FRMD3: variants seen among roughly 807,000 people sequenced by gnomAD.
FRMD3 encodes FERM domain-containing protein 3.
Under a neutral mutation model 70.2 loss-of-function variants are expected in FRMD3, and 33 were observed. The ratio of observed to expected loss-of-function variants is 0.47; its 90% confidence interval spans 0.36 to 0.63. The LOEUF is 0.63. FRMD3 is among the 20% of genes least tolerant of loss of function. The pLI is 0.00. For synonymous variants in FRMD3, 279 were observed against 255.9 expected, an observed-to-expected ratio of 1.09 and a Z score of -0.86; for missense variants, 632 against 711.4, an observed-to-expected ratio of 0.89 and a Z score of 1.27.
chr9:83,407,873 C>CTCTCTCTCTCTCTCTCT (rs1564062738), intron 1 of FRMD3, among the ~76,000 whole-genome samples: 2 of 91,894 alleles, frequency 2.2e-5, no homozygotes, highest in African/African-American at 6.2e-5. Context: ...CTCTCTCTCT[C>CTCTCTCTCTCTCTCTCT]ATCTTTCTCT....
intron 13 of FRMD3, chr9:83,276,654 C>T (rs771702314): frequency 1.1e-4 from 16 of 152,304 alleles, no homozygotes; most frequent in Non-Finnish European, 1.9e-4. Flanking sequence ...AGCAAATGGT[C>T]GCTACATGCA....
rs1832185913 is a variant in FRMD3, at chr9:83,247,888, T to C, written c.*30A>G. 6.2e-7 allele frequency: 1 copy of C among 1,608,284 alleles called. No homozygotes were observed. The highest frequency in any genetic ancestry group is 2.2e-5 in the East Asian group (1 of 44,776). On this transcript the variant is annotated 3_prime_UTR_variant, in exon 14 of 14. Coordinates refer to ENST00000304195, the MANE Select transcript of FRMD3 (RefSeq NM_174938.6). ...AAAAAAAGAAATCACTAGCATTGAA[T>C]ATAGCCCTTAGTCACGTGAGAGATT... is the stretch of plus-strand genomic sequence containing the variant.
chr9:83,274,872 A>T (rs547158508), intron 13 of FRMD3, among the ~76,000 whole-genome samples: 1 of 152,344 alleles, frequency 6.6e-6, no homozygotes, highest in South Asian at 2.1e-4. Context: ...AGCAGGGAAC[A>T]GGTGGTTAGG....
chr9:83,536,032 G>T (rs916534661), intron 1 of FRMD3, among the ~76,000 whole-genome samples: 3 of 152,212 alleles, frequency 2.0e-5, no homozygotes, highest in Non-Finnish European at 4.4e-5. Context: ...CTCTAGGAAA[G>T]TGTGAGGTCT....
chr9:83,511,072 C>T (rs1053133487), intron 1 of FRMD3, among the ~76,000 whole-genome samples: 2 of 152,206 alleles, frequency 1.3e-5, no homozygotes, highest in Non-Finnish European at 2.9e-5. Context: ...CACTCACAGA[C>T]TCCCAACAGC....
chr9:83,465,819 T>C (rs1356807754), intron 1 of FRMD3, among the ~76,000 whole-genome samples: 2 of 152,230 alleles, frequency 1.3e-5, no homozygotes, highest in African/African-American at 4.8e-5. Context: ...ATTGAATCAA[T>C]TGGAGCTGTA....
At chr9:83,505,723 C>G (rs908820490) in intron 1 of FRMD3, among the ~76,000 whole-genome samples, 2 of 152,180 alleles carry the variant, frequency 1.3e-5, no homozygotes, top group African/African-American at 4.8e-5. Context: ...ACAGTTTTCC[C>G]TTCTATAGGT....
chr9:83,453,044 C>T (rs1363184225), intron 1 of FRMD3, among the ~76,000 whole-genome samples: 2 of 151,706 alleles, frequency 1.3e-5, no homozygotes, highest in South Asian at 2.1e-4. Flanking sequence ...TTAGTAGACA[C>T]GGGGTTTCGC....
At chr9:83,291,330 A>C (rs1050944580) in intron 12 of FRMD3, among the ~76,000 whole-genome samples, 1 of 152,190 alleles carries the variant, frequency 6.6e-6, no homozygotes, top group Admixed American at 6.5e-5. Flanking sequence ...ACAGATGGCA[A>C]GGAAACTGTG....
At chr9:83,338,419 G>GT (rs996129287) in intron 5 of FRMD3, among the ~76,000 whole-genome samples, 3 of 151,932 alleles carry the variant, frequency 2.0e-5, no homozygotes, top group East Asian at 1.9e-4. Flanking sequence ...TATGTTCAAG[G>GT]TTTTTTTTAT....
intron 4 of FRMD3, among the ~76,000 whole-genome samples, 196 bp from the exon 5 acceptor site, chr9:83,343,483 C>T (rs1271954585): frequency 6.6e-6 from 1 of 152,034 alleles, no homozygotes; most frequent in African/African-American, 2.4e-5. Context: ...TCAGAAGTGT[C>T]TGCCGAGCAG....
At chr9:83,324,978 A>T (rs190916895) in intron 6 of FRMD3, among the ~76,000 whole-genome samples, 1 of 152,340 alleles carries the variant, frequency 6.6e-6, no homozygotes, top group Non-Finnish European at 1.5e-5. Context: ...ATGGCACAGC[A>T]TTTCAAAATG....
chr9:83,484,609 G>A (rs1828644272), intron 1 of FRMD3, among the ~76,000 whole-genome samples: 2 of 152,114 alleles, frequency 1.3e-5, no homozygotes, highest in African/African-American at 4.8e-5. Context: ...GTAGAGACAG[G>A]GTGTCACCAT....
chr9:83,410,638 A>AATTT (rs1826252493), intron 1 of FRMD3, among the ~76,000 whole-genome samples: 1 of 152,094 alleles, frequency 6.6e-6, no homozygotes. Flanking sequence ...TTGGTAGAAT[A>AATTT]ATTTATTTTC....
chr9:83,481,719 G>T (rs1828570681), intron 1 of FRMD3, among the ~76,000 whole-genome samples: 1 of 152,054 alleles, frequency 6.6e-6, no homozygotes, highest in Non-Finnish European at 1.5e-5. Context: ...ATGTAACATG[G>T]AAAAGAGGGG....
At chr9:83,341,341 G>A (rs958279357) in intron 5 of FRMD3, among the ~76,000 whole-genome samples, 1 of 152,146 alleles carries the variant, frequency 6.6e-6, no homozygotes, top group Non-Finnish European at 1.5e-5. Flanking sequence ...ATAGGGCCCT[G>A]ATCGTCTGGA....
intron 1 of FRMD3, among the ~76,000 whole-genome samples, chr9:83,473,018 T>G (rs1023681704): frequency 2.0e-5 from 3 of 152,144 alleles, no homozygotes; most frequent in African/African-American, 7.2e-5. Context: ...CCAGGCTCCA[T>G]GCTTACAATA....
chr9:83,298,727 C>T, intron 12 of FRMD3, 21 bp downstream of exon 12: 1 of 1,608,526 alleles, frequency 6.2e-7, no homozygotes, highest in Non-Finnish European at 8.5e-7. Context: ...CACCTGGAAC[C>T]CACAGTGATC....
intron 3 of FRMD3, among the ~76,000 whole-genome samples, chr9:83,357,275 AT>A (rs1270757422): frequency 4.6e-5 from 3 of 64,808 alleles, no homozygotes; most frequent in Non-Finnish European, 5.4e-5. Context: ...ATATATATAT[AT>A]ATATATATAT....
Sources: gnomAD v4.1 joint callset for allele counts (sites outside exome capture counted in the v4.1 genomes callset) on GRCh38, gnomAD v4.1.1 for gene constraint, MANE v1.5 for transcripts, NCBI Gene and HGNC (gene_info 2026-07-23, HGNC 2026-07-21) for gene names.